ZFAND6: variants seen among roughly 807,000 people sequenced by gnomAD.
ZFAND6 encodes the protein AN1-type zinc finger protein 6.
Under a neutral mutation model 24.5 loss-of-function variants are expected in ZFAND6, and 12 were observed. The observed-to-expected ratio is 0.49, with a 90% confidence interval of 0.31 to 0.79. ZFAND6 has a LOEUF of 0.79. ZFAND6 is among the 30% of genes least tolerant of loss of function. The probability of loss-of-function intolerance (pLI) is 0.04; values close to 1 mark genes in which losing one functional copy is unlikely to be tolerated. For missense variants in ZFAND6, 207 were observed against 245.9 expected (o/e 0.84, Z 1.06); for synonymous variants, 92 against 81.5 (o/e 1.13, Z -0.69).
chr15:80,075,777 G>T (rs746021015), intron 1 of ZFAND6, among the ~76,000 whole-genome samples: 1 of 151,978 alleles, frequency 6.6e-6, no homozygotes, highest in Non-Finnish European at 1.5e-5. Context: ...ACTAAATTTG[G>T]TTTTCTGTGT....
intron 1 of ZFAND6, among the ~76,000 whole-genome samples, chr15:80,094,329 G>C (rs2038577418): frequency 6.6e-6 from 1 of 151,966 alleles, no homozygotes; most frequent in African/African-American, 2.4e-5. Context: ...TGTCAGATCA[G>C]CAACACTGGA....
intron 1 of ZFAND6, among the ~76,000 whole-genome samples, chr15:80,061,563 A>G (rs1485447115): frequency 6.6e-6 from 1 of 152,142 alleles, no homozygotes; most frequent in Non-Finnish European, 1.5e-5. Context: ...TAGTTTTATC[A>G]TATATGTTTG....
intron 1 of ZFAND6, among the ~76,000 whole-genome samples, chr15:80,061,792 T>C (rs1270223961): frequency 6.6e-6 from 1 of 152,186 alleles, no homozygotes; most frequent in Non-Finnish European, 1.5e-5. Context: ...GTACAAGAAT[T>C]TCTCTAGAGT....
intron 2 of ZFAND6, among the ~76,000 whole-genome samples, chr15:80,103,750 T>C (rs771246206): frequency 6.6e-6 from 1 of 152,254 alleles, no homozygotes; most frequent in Non-Finnish European, 1.5e-5. Context: ...CCTTTTCCTC[T>C]GCCTCAGCAA....
chr15:80,113,144 C>T (rs904850332), intron 2 of ZFAND6, among the ~76,000 whole-genome samples: 6 of 152,048 alleles, frequency 3.9e-5, no homozygotes, highest in Non-Finnish European at 8.8e-5. Context: ...GTGAAGGTCC[C>T]AAAATGAAAA....
intron 1 of ZFAND6, among the ~76,000 whole-genome samples, chr15:80,083,130 T>G (rs1055053408): frequency 1.3e-5 from 2 of 152,176 alleles, no homozygotes; most frequent in African/African-American, 4.8e-5. Context: ...TAGCTGGGAC[T>G]ACAGGCACCT....
intron 1 of ZFAND6, among the ~76,000 whole-genome samples, chr15:80,097,369 C>G (rs2038785839): frequency 6.6e-6 from 1 of 152,028 alleles, no homozygotes; most frequent in African/African-American, 2.4e-5. Context: ...ATCTTTTGGC[C>G]TGGTGCAGTG....
At chr15:80,086,803 A>G (rs577850522) in intron 1 of ZFAND6, among the ~76,000 whole-genome samples, 1 of 152,356 alleles carries the variant, frequency 6.6e-6, no homozygotes, top group Non-Finnish European at 1.5e-5. Flanking sequence ...AACTGTACCC[A>G]TTAAACTATA....
intron 1 of ZFAND6, among the ~76,000 whole-genome samples, chr15:80,077,709 T>TC (rs965791108): frequency 2.1e-5 from 3 of 145,782 alleles, no homozygotes; most frequent in African/African-American, 7.6e-5. Context: ...TTTTTTTTTT[T>TC]TTTTTTTGGA....
intron 2 of ZFAND6, chr15:80,111,644 A>G (rs1232875692): frequency 2.9e-6 from 1 of 345,536 alleles, no homozygotes; most frequent in African/African-American, 2.1e-5. Flanking sequence ...TTTTTCTCAT[A>G]AGTTTTTAAT....
chr15:80,104,776 A>G (rs1323411574), intron 2 of ZFAND6, among the ~76,000 whole-genome samples: 2 of 152,162 alleles, frequency 1.3e-5, no homozygotes, highest in Non-Finnish European at 2.9e-5. Context: ...CAATTAGCAA[A>G]TAGGCCTTTA....
At chr15:80,124,391 C>G (rs1195900872) in intron 5 of ZFAND6, among the ~76,000 whole-genome samples, 1 of 151,568 alleles carries the variant, frequency 6.6e-6, no homozygotes, top group African/African-American at 2.4e-5. Flanking sequence ...CGAGATGGCG[C>G]CACTGCACTC....
Position 80,078,823 on chromosome 15 carries a change from G to C in ZFAND6, c.-181+19014G>C, listed in dbSNP as rs1454351615. The stretch of plus-strand genomic sequence containing the variant: ...TAATGATTAGTGATGGTAATGTTGA[G>C]CATTTTTTCATGTATTTGTTGGCTG... On this transcript the variant is annotated intron_variant, in intron 1 of 6. Transcript: ENST00000261749. Among the ~76,000 whole-genome samples, 3 of 150,968 alleles carry C rather than the reference G, an allele frequency of 2.0e-5. No individual in the cohort carries two copies. The South Asian group carries it at 6.3e-4, about 32-fold the overall frequency.
At chr15:80,091,160 G>GGGGTGT (rs367758438) in intron 1 of ZFAND6, among the ~76,000 whole-genome samples, 5 of 150,166 alleles carry the variant, frequency 3.3e-5, no homozygotes, top group Non-Finnish European at 5.9e-5. Flanking sequence ...GTTGTTAAGG[G>GGGGTGT]GTGTGTGTGT....
intron 1 of ZFAND6, among the ~76,000 whole-genome samples, chr15:80,079,485 G>C (rs963228790): frequency 4.6e-5 from 7 of 152,062 alleles, no homozygotes; most frequent in African/African-American, 1.7e-4. Flanking sequence ...CTCCCAAAGT[G>C]CTGGGATTAC....
intron 1 of ZFAND6, among the ~76,000 whole-genome samples, chr15:80,092,344 A>AT (rs1290464252): frequency 6.6e-6 from 1 of 151,438 alleles, no homozygotes; most frequent in African/African-American, 2.4e-5. Context: ...AAAAAAAAAA[A>AT]AGGATTGCTT....
At chr15:80,125,780 T>G (rs1216573131) in intron 5 of ZFAND6, among the ~76,000 whole-genome samples, 1 of 152,210 alleles carries the variant, frequency 6.6e-6, no homozygotes, top group African/African-American at 2.4e-5. Flanking sequence ...TGGGTCATAG[T>G]AGAAAAATAC....
intron 2 of ZFAND6, among the ~76,000 whole-genome samples, chr15:80,102,311 G>A (rs574919012): frequency 6.6e-6 from 1 of 151,808 alleles, no homozygotes; most frequent in South Asian, 2.1e-4. Flanking sequence ...GTTTTACCAT[G>A]TTGGTCAGGC....
rs1298889723 is a variant in ZFAND6, at chr15:80,098,531, G to A, written c.-65G>A. 6.6e-6 allele frequency: 1 copy of A among 152,162 alleles called. No homozygotes were observed. The highest frequency in any genetic ancestry group is 1.5e-5 in the Non-Finnish European group (1 of 68,022). The allele number at this position is 152,162 out of a possible 1,614,324, so 9.4% of individuals were successfully genotyped here. ...AGAATAGGGAAGGCAGAAAGCTAATGTCTGTCTCAAGATACAGGACAGCTG... is the reference window on the plus strand; with the variant it reads ...AGAATAGGGAAGGCAGAAAGCTAATATCTGTCTCAAGATACAGGACAGCTG... On this transcript the variant is annotated 5_prime_UTR_variant, in exon 2 of 7. It removes an upstream start codon present in the reference 5' UTR. Coordinates refer to ENST00000261749, the MANE Select transcript of ZFAND6 (RefSeq NM_019006.4).
Sources: allele counts gnomAD v4.1 joint callset (sites outside exome capture counted in the v4.1 genomes callset), GRCh38; gene constraint gnomAD v4.1.1; transcripts MANE v1.5; gene names NCBI Gene and HGNC (gene_info 2026-07-23, HGNC 2026-07-21).